SSC4D: variants seen among roughly 807,000 people sequenced by gnomAD.
SSC4D encodes scavenger receptor cysteine rich family member with 4 domains, also known as scavenger receptor cysteine-rich domain-containing group B protein.
SSC4D carries 57 observed loss-of-function variants against 63.4 expected under a neutral mutation model. The ratio of observed to expected loss-of-function variants is 0.90; its 90% CI spans 0.73 to 1.12. SSC4D has a LOEUF of 1.12. Among genes scored for constraint, SSC4D ranks in the 50% most tolerant of loss-of-function variants. The pLI is 0.00. For missense variants in SSC4D, 791 were observed against 806.4 expected, an observed-to-expected ratio of 0.98 and a Z score of 0.23; for synonymous variants, 352 against 345.4, an observed-to-expected ratio of 1.02 and a Z score of -0.21.
chr7:76,406,002 C>G (rs1451396363), intron 1 of SSC4D, among the ~76,000 whole-genome samples: 2 of 132,654 alleles, frequency 1.5e-5, no homozygotes, highest in African/African-American at 5.9e-5. Flanking sequence ...TCTTTTCTTT[C>G]TTTGATGGAG....
intron 6 of SSC4D, among the ~76,000 whole-genome samples, chr7:76,396,147 C>T (rs1804634271): frequency 6.6e-6 from 1 of 152,196 alleles, no homozygotes; most frequent in Non-Finnish European, 1.5e-5. Flanking sequence ...AACAACTAAT[C>T]TCTTGAGTGG....
chr7:76,400,244 CCA>C, intron 4 of SSC4D, 40 bp downstream of exon 4: 1 of 1,431,940 alleles, frequency 7.0e-7, no homozygotes, highest in Non-Finnish European at 9.2e-7. Flanking sequence ...CTGCTGCCTG[CCA>C]CAGTCTGTCT....
intron 3 of SSC4D, 124 bp from the exon 4 acceptor site, chr7:76,400,715 C>A: frequency 8.6e-7 from 1 of 1,167,264 alleles, no homozygotes; most frequent in Non-Finnish European, 1.2e-6. Context: ...ACTATGTTGC[C>A]AAGGCTGGTC....
At chr7:76,394,070 G>A (rs958489168) in intron 7 of SSC4D, among the ~76,000 whole-genome samples, 166 bp from the exon 8 acceptor site, 1 of 152,094 alleles carries the variant, frequency 6.6e-6, no homozygotes, top group African/African-American at 2.4e-5. Flanking sequence ...TGGGATCTCC[G>A]GGAAACTTGG....
chr7:76,393,996 C>A (rs1428913052), intron 7 of SSC4D, 92 bp from the exon 8 acceptor site: 2 of 1,286,350 alleles, frequency 1.6e-6, no homozygotes, highest in Non-Finnish European at 1.1e-6. Context: ...AGACCCCCAA[C>A]CCTACCACAC....
chr7:76,400,926 A>G (rs1043770445), intron 3 of SSC4D, 82 bp downstream of exon 3: 22 of 1,534,602 alleles, frequency 1.4e-5, no homozygotes, highest in African/African-American at 1.4e-4. Context: ...CTGGTTAGTC[A>G]TCACTTCCTG....
intron 6 of SSC4D, among the ~76,000 whole-genome samples, chr7:76,396,279 C>T (rs191955633): frequency 2.0e-5 from 3 of 152,154 alleles, no homozygotes; most frequent in Admixed American, 1.3e-4. Flanking sequence ...TACGCCCACT[C>T]GTATGCCATG....
In SSC4D at chr7:76,389,913, AGGACTGCACTGTCTAG is replaced by A. The variant is rs1327799560; in HGVS notation, c.*130_*145del. 1 of 1,009,702 alleles carries A rather than the reference AGGACTGCACTGTCTAG, an allele frequency of 9.9e-7. No homozygotes were observed. The highest frequency in any genetic ancestry group is 1.4e-6 in the Non-Finnish European group (1 of 691,566). The allele number at this position is 1,009,702 out of a possible 1,614,324, so 62.5% of individuals were successfully genotyped here. ...GGGGTACAGCCAGGCTCCCCCAAGC[AGGACTGCACTGTCTAG>A]GTAGGCTCTCTCCCAGGCAAGGGAA... is the stretch of plus-strand genomic sequence containing the variant. On this transcript the variant is annotated 3_prime_UTR_variant, in exon 11 of 11. Coordinates refer to ENST00000275560, the MANE Select transcript of SSC4D (RefSeq NM_080744.2).
intron 1 of SSC4D, among the ~76,000 whole-genome samples, chr7:76,408,308 G>A (rs777459609): frequency 3.9e-5 from 6 of 152,158 alleles, no homozygotes; most frequent in African/African-American, 4.8e-5. Context: ...GCCCAGGACA[G>A]CCCCCAGTGG....
chr7:76,393,946 A>G (rs747049020), intron 7 of SSC4D, 42 bp from the exon 8 acceptor site: 1 of 1,556,896 alleles, frequency 6.4e-7, no homozygotes, highest in Non-Finnish European at 8.7e-7. Context: ...GGGGACGAGG[A>G]GGCCTTCTGT....
chr7:76,395,348 G>C lies in SSC4D; in HGVS notation c.869-18C>G, dbSNP rs781256432. The C allele has an allele frequency of 4.3e-6, 7 of 1,613,214 alleles. No individual in the cohort carries two copies. In the East Asian group the frequency reaches 8.9e-5, roughly 21 times the overall value. ...ACCCAGGCCTAGGGCAGGAGAGAAG[G>C]GGGCAGGGTCAGAGGCTGAGATTCT... is the stretch of plus-strand genomic sequence containing the variant. On this transcript the variant is annotated intron_variant, in intron 6 of 10. Transcript: ENST00000275560.
chr7:76,391,668 T>A lies in SSC4D; in HGVS notation c.1411+296A>T, dbSNP rs571842673. Among the ~76,000 whole-genome samples the A allele has an allele frequency of 5.9e-5, 9 of 152,246 alleles. No individual in the cohort carries two copies. In the East Asian group the frequency reaches 1.7e-3, roughly 29 times the overall value. ...GTCATCACGGTCTCCTGCACCCCCC[T>A]GGGCTCCCAGAACTATATTCTGAAT... On this transcript the variant is annotated intron_variant, in intron 10 of 10. Coordinates refer to ENST00000275560, the MANE Select transcript of SSC4D (RefSeq NM_080744.2).
chr7:76,393,618 C>T lies in SSC4D; in HGVS notation c.1120G>A (p.Asp374Asn). ...CAGGCCACGCGCGCGTCCGCAAAGT[C>T]CCAGTCATCGTCGCACACGGTGCCC... ...GWGTVCDDDW[D>N]FADARVACRE... Residue 374 changes from aspartate to asparagine, a missense_variant, in exon 9 of 11, where the codon GAC (aspartate) becomes AAC (asparagine). By Grantham distance (23) the Asp-to-Asn change is conservative (BLOSUM62 1). Transcript: ENST00000275560. The T allele has an allele frequency of 2.7e-6, 4 of 1,500,406 alleles. No individual in the cohort carries two copies. The highest frequency in any genetic ancestry group is 3.5e-6 in the Non-Finnish European group (4 of 1,131,192). The allele number at this position is 1,500,406 out of a possible 1,614,324, so 92.9% of individuals were successfully genotyped here.
At chr7:76,395,881 G>A (rs1187422084) in intron 6 of SSC4D, among the ~76,000 whole-genome samples, 2 of 152,214 alleles carry the variant, frequency 1.3e-5, no homozygotes, top group African/African-American at 4.8e-5. Flanking sequence ...TTTTAGTAGA[G>A]ATGGGGTTTC....
intron 7 of SSC4D, 125 bp from the exon 8 acceptor site, chr7:76,394,029 C>T: frequency 1.1e-6 from 1 of 915,458 alleles, no homozygotes; most frequent in Non-Finnish European, 1.6e-6. Context: ...TCAGCTGCAA[C>T]CCCAGAGTCA....
chr7:76,392,654 G>T (rs779626047), intron 9 of SSC4D, among the ~76,000 whole-genome samples: 4 of 151,944 alleles, frequency 2.6e-5, no homozygotes, highest in Non-Finnish European at 5.9e-5. Flanking sequence ...AGCCAGGCAC[G>T]GTGGCATGCC....
chr7:76,405,733 G>C (rs1224826276), intron 1 of SSC4D, among the ~76,000 whole-genome samples: 1 of 152,146 alleles, frequency 6.6e-6, no homozygotes, highest in East Asian at 1.9e-4. Flanking sequence ...GGAAACGCAT[G>C]AGGAGTCGGT....
chr7:76,394,454 A>G (rs1179658202), intron 7 of SSC4D, among the ~76,000 whole-genome samples: 6 of 149,044 alleles, frequency 4.0e-5, no homozygotes, highest in Admixed American at 6.8e-5. Context: ...TGTCTCGCCC[A>G]GACTGTGGTG....
At chr7:76,408,013 A>T (rs987309007) in intron 1 of SSC4D, among the ~76,000 whole-genome samples, 1 of 151,846 alleles carries the variant, frequency 6.6e-6, no homozygotes, top group African/African-American at 2.4e-5. Context: ...GGACTGGGCT[A>T]CTCTTGGTGT....
Sources: allele counts gnomAD v4.1 joint callset (sites outside exome capture counted in the v4.1 genomes callset), GRCh38; gene constraint gnomAD v4.1.1; transcripts MANE v1.5; gene names NCBI Gene and HGNC (gene_info 2026-07-23, HGNC 2026-07-21).